The following FREM1 variants were observed in gnomAD, a reference collection of about 807,000 sequenced individuals.
The protein encoded by FREM1 is FRAS1 related extracellular matrix 1, also known as FRAS1-related extracellular matrix protein 1.
A neutral mutation model predicts 210.1 loss-of-function variants in FREM1; 220 were observed. The observed-to-expected ratio is 1.05, with a 90% CI of 0.94 to 1.17. The LOEUF (loss-of-function observed/expected upper bound fraction) is 1.17, where lower values mean the gene tolerates loss of function less well. Among genes scored for constraint, FREM1 ranks in the 50% most tolerant of loss-of-function variants. The pLI is 0.00. For missense variants in FREM1, 3,454 were observed against 2,675.5 expected, an observed-to-expected ratio of 1.29 and a Z score of -6.42; for synonymous variants, 1,189 against 980.2, an observed-to-expected ratio of 1.21 and a Z score of -3.98.
rs1207343185 is a variant in FREM1 at position 14,863,857 on chromosome 9, T to G, written c.281A>C (p.Asn94Thr). 6.2e-7 allele frequency: 1 copy of G among 1,613,452 alleles called. No individual in the cohort carries two copies. Among genetic ancestry groups the G allele is most frequent in the Non-Finnish European group, 8.5e-7 (1 of 1,179,538 alleles). The stretch of plus-strand genomic sequence containing the variant: ...GTCTTCATCAAGAATTGGACAACCA[T>G]TGTGAACATACTTGACTTCGTTGGG... ...FLPNEVKYVH[N>T]GCPILDEDTV... Residue 94 changes from asparagine to threonine, a missense_variant, in exon 3 of 37, where the codon AAT becomes ACT. Physicochemically the swap from Asn to Thr is moderately conservative, Grantham distance 65. Transcript: ENST00000380880.
rs568889633 is a variant in FREM1, at chr9:14,847,791, T to C, written c.1261+874A>G. On this transcript the variant is annotated intron_variant, in intron 7 of 36. Transcript: ENST00000380880. ...ACCGATCACACATACACGTACAGAC[T>C]ATTCCATCTCTACACTCAGGCAGGA... Among the ~76,000 whole-genome samples, 59 of 151,984 alleles carry C rather than the reference T, an allele frequency of 3.9e-4. 1 individual carries two copies. The highest frequency in any genetic ancestry group is 8.1e-4 in the Non-Finnish European group (55 of 67,972).
rs1180770555 is a variant in FREM1, at chr9:14,801,644, T to G, written c.3694+8A>C. On this transcript the variant is annotated splice_region_variant and intron_variant, in intron 20 of 36. Transcript: ENST00000380880. ...ATAACAAATGCATGGAAGTGGAACA[T>G]GCTATACCAGTCTTGAGGAGTTCCA... 1.9e-6 allele frequency: 3 copies of G among 1,571,160 alleles called. No homozygotes were observed. The highest frequency in any genetic ancestry group is 2.6e-6 in the Non-Finnish European group (3 of 1,140,756).
chr9:14,801,955 C>A, intron 19 of FREM1, 81 bp from the exon 20 acceptor site: 1 of 990,212 alleles, frequency 1.0e-6, no homozygotes, highest in East Asian at 2.4e-5. Flanking sequence ...AAAGAAATCA[C>A]TTGAATATAT....
At chr9:14,859,828 A>G in intron 3 of FREM1, among the ~76,000 whole-genome samples, 1 of 152,118 alleles carries the variant, frequency 6.6e-6, no homozygotes, top group East Asian at 1.9e-4. Context: ...TAATTTCTGG[A>G]TTGACTTTTA....
chr9:14,802,111 T>C (rs576106517), intron 19 of FREM1, among the ~76,000 whole-genome samples: 3 of 152,202 alleles, frequency 2.0e-5, no homozygotes, highest in Non-Finnish European at 2.9e-5. Flanking sequence ...TTCATTTCCA[T>C]GAAGGACAAA....
intron 19 of FREM1, among the ~76,000 whole-genome samples, chr9:14,804,228 C>T (rs193262161): frequency 3.7e-4 from 56 of 152,254 alleles, no homozygotes; most frequent in Middle Eastern, 3.4e-3. Context: ...TCTGCTTGCC[C>T]GTAACACACA....
rs35870000 is a variant in FREM1, at chr9:14,801,712, C to A, written c.3634G>T (p.Ala1212Ser). 550,051 of 1,613,200 alleles carry A rather than the reference C, an allele frequency of 0.34. 97,219 individuals carry two copies. The highest frequency in any genetic ancestry group is 0.42 in the Admixed American group (25,373 of 60,012). Residue 1212 changes from alanine (A) to serine (S), a missense_variant, in exon 20 of 37, where the codon GCC (alanine) becomes TCC (serine). Transcript: ENST00000380880. The part of the protein sequence containing the change: ...SKDFSENKQP[A>S]NPHQKHAPVH... ...GGTGCATGTTTCTGGTGAGGGTTGGCTGGCTGCTTATTCTCAGAGAAGTCT... is the reference window on the plus strand; with the variant it reads ...GGTGCATGTTTCTGGTGAGGGTTGGATGGCTGCTTATTCTCAGAGAAGTCT...
intron 2 of FREM1, among the ~76,000 whole-genome samples, chr9:14,864,590 A>G (rs1831172874): frequency 1.3e-5 from 2 of 152,160 alleles, no homozygotes; most frequent in Non-Finnish European, 2.9e-5. Flanking sequence ...GTCTCAACTC[A>G]CTCAGAATTA....
intron 10 of FREM1, among the ~76,000 whole-genome samples, chr9:14,829,489 G>A (rs1276296578): frequency 6.6e-6 from 1 of 152,114 alleles, no homozygotes; most frequent in Non-Finnish European, 1.5e-5. Context: ...GTTTAGAGGA[G>A]GGGCCCAATG....
chr9:14,762,037 T>G (rs1845592807), intron 27 of FREM1, among the ~76,000 whole-genome samples: 1 of 152,164 alleles, frequency 6.6e-6, no homozygotes, highest in African/African-American at 2.4e-5. Context: ...TATTTGCACT[T>G]TAGACATCTG....
At chr9:14,742,685 C>T (rs777391480) in intron 35 of FREM1, among the ~76,000 whole-genome samples, 1 of 152,054 alleles carries the variant, frequency 6.6e-6, no homozygotes, top group Non-Finnish European at 1.5e-5. Context: ...ACCTTAGGTT[C>T]GCCTTGAAAG....
chr9:14,750,129 C>G lies in FREM1; in HGVS notation c.5555G>C (p.Gly1852Ala). 1.2e-6 allele frequency: 2 copies of G among 1,613,766 alleles called. No homozygotes were observed. The highest frequency in any genetic ancestry group is 1.3e-5 in the African/African-American group (1 of 75,038). The stretch of plus-strand genomic sequence containing the variant: ...CAAGATGAGGATCAAAAGAATACCT[C>G]CTTTTGAGTCCAAAATTTTCACTGC... ...KAAVKILDSK[G>A]GQCHPSYSSN... The change falls in exon 30 of 37, where the codon GGA becomes GCA. Residue 1852 changes from glycine to alanine, a missense_variant and splice_region_variant. By Grantham distance (60) the Gly-to-Ala change is moderately conservative. Coordinates refer to ENST00000380880, the MANE Select transcript of FREM1 (RefSeq NM_001379081.2).
At chr9:14,849,674 T>C (rs1287030528) in intron 6 of FREM1, among the ~76,000 whole-genome samples, 1 of 152,186 alleles carries the variant, frequency 6.6e-6, no homozygotes, top group Non-Finnish European at 1.5e-5. Flanking sequence ...GAGGTGTCTT[T>C]TTTGGAGGGG....
chr9:14,863,649 A>G (rs1264051940), intron 3 of FREM1, among the ~76,000 whole-genome samples, 160 bp downstream of exon 3: 1 of 152,164 alleles, frequency 6.6e-6, no homozygotes, highest in East Asian at 1.9e-4. Flanking sequence ...TTGGCTACAA[A>G]TCTTGCCTGA....
At chr9:14,821,777 AT>A (rs1564006640) in intron 13 of FREM1, among the ~76,000 whole-genome samples, 1 of 152,202 alleles carries the variant, frequency 6.6e-6, no homozygotes, top group Non-Finnish European at 1.5e-5. Flanking sequence ...GCCCTATGCA[AT>A]GGCTGCTGTA....
chr9:14,860,575 A>ATGTG lies in FREM1; in HGVS notation c.330-1092_330-1091insCACA, dbSNP rs1434737140. On this transcript the variant is annotated intron_variant, in intron 3 of 36. Coordinates refer to ENST00000380880, the MANE Select transcript of FREM1 (RefSeq NM_001379081.2). The stretch of plus-strand genomic sequence containing the variant: ...TATATACACACATATATATACACAT[A>ATGTG]TATATACACATATATATACATATAT... 7.7e-4 allele frequency among the ~76,000 whole-genome samples: 102 copies of ATGTG among 132,806 alleles called. 2 individuals are homozygous for ATGTG. The highest frequency in any genetic ancestry group is 3.0e-3 in the African/African-American group (86 of 28,634). 87.1% of individuals were successfully genotyped at this position (132,806 alleles called of 152,430 possible).
rs1178674814 is a variant in FREM1 at position 14,823,214 on chromosome 9, C to G, written c.2283G>C (p.Leu761Phe). 6.2e-7 allele frequency: 1 copy of G among 1,613,800 alleles called. No homozygotes were observed. Among genetic ancestry groups the G allele is most frequent in the East Asian group, 2.2e-5 (1 of 44,880 alleles). ...FSVSNQHGGT[L>F]HGICFNITIL... ...TTGTAATGTTAAAGCAGATCCCATGCAAAGTACCGCCATGTTGGTTACTGA... is the reference window on the plus strand; with the variant it reads ...TTGTAATGTTAAAGCAGATCCCATGGAAAGTACCGCCATGTTGGTTACTGA... The change falls in exon 13 of 37, where the codon TTG (leucine) becomes TTC (phenylalanine). Residue 761 changes from leucine (L) to phenylalanine (F), a missense_variant. Physicochemically the swap from Leu to Phe is conservative, Grantham distance 22. Transcript: ENST00000380880.
At position 14,848,695 on chromosome 9, in the gene FREM1, T is replaced by C. The variant is rs752382395; in HGVS notation, c.1231A>G (p.Thr411Ala). The part of the protein sequence containing the change: ...TVHISIRTAD[T>A]NAPRVSWNTG... The stretch of plus-strand genomic sequence containing the variant: ...TTCCAGGATACACGGGGGGCATTTG[T>C]ATCTGCTGTTCTGATGGAGATGTGG... Residue 411 changes from threonine (T) to alanine (A), a missense_variant, in exon 7 of 37, where the codon ACA (threonine) becomes GCA (alanine). Coordinates refer to ENST00000380880, the MANE Select transcript of FREM1 (RefSeq NM_001379081.2). 9.3e-6 allele frequency: 15 copies of C among 1,611,552 alleles called. No homozygotes were observed. In the East Asian group the frequency reaches 2.5e-4, roughly 26 times the overall value.
At chr9:14,803,400 C>A (rs897039308) in intron 19 of FREM1, among the ~76,000 whole-genome samples, 1 of 140,096 alleles carries the variant, frequency 7.1e-6, no homozygotes, top group South Asian at 2.5e-4. Flanking sequence ...TTCTCTGTTG[C>A]CCAGGCTACA....
Sources: gnomAD v4.1 joint callset for allele counts (sites outside exome capture counted in the v4.1 genomes callset) on GRCh38, gnomAD v4.1.1 for gene constraint, MANE v1.5 for transcripts, NCBI Gene and HGNC (gene_info 2026-07-23, HGNC 2026-07-21) for gene names.